BAIAP3: variants seen among roughly 807,000 people sequenced by gnomAD.
BAIAP3 encodes BAI1 associated protein 3.
In BAIAP3, 180 loss-of-function variants were observed where a neutral mutation model predicts 149.7. The observed-to-expected ratio is 1.20, with a 90% CI of 1.07 to 1.36. The LOEUF is 1.36. Ranked by LOEUF, BAIAP3 falls within the 40% of genes most tolerant of loss-of-function variation. BAIAP3 has a pLI of 0.00. For missense variants in BAIAP3, 1,767 were observed against 1,563.4 expected (o/e 1.13, Z -2.20); for synonymous variants, 845 against 670.7 (o/e 1.26, Z -4.02).
At chr16:1,338,137 T>C (rs1484538018) in intron 1 of BAIAP3, among the ~76,000 whole-genome samples, 2 of 152,014 alleles carry the variant, frequency 1.3e-5, no homozygotes, top group Non-Finnish European at 2.9e-5. Context: ...CAGATCTTGG[T>C]CCTCTTGATG....
At chr16:1,342,126 G>C in intron 10 of BAIAP3, 55 bp from the exon 11 acceptor site, 1 of 1,568,390 alleles carries the variant, frequency 6.4e-7, no homozygotes, top group Non-Finnish European at 8.7e-7. Context: ...GGGGCCCGGC[G>C]GGCAGTGGCT....
intron 1 of BAIAP3, chr16:1,336,270 C>T (rs566970178): frequency 2.0e-6 from 2 of 985,432 alleles, no homozygotes; most frequent in East Asian, 1.1e-4. Flanking sequence ...TTGTGACTCC[C>T]AGGCCCCTGA....
chr16:1,341,202 G>T lies in BAIAP3; in HGVS notation c.535+7G>T. On this transcript the variant is annotated splice_region_variant and intron_variant, in intron 7 of 33. Transcript: ENST00000426824. The stretch of plus-strand genomic sequence containing the variant: ...CTGGCCAAGGACCCCAACGGTGAGT[G>T]GGGACCCAGCAGACCTCGGCTGCGC... 6.2e-7 allele frequency: 1 copy of T among 1,612,164 alleles called. No homozygotes were observed. Among genetic ancestry groups the T allele is most frequent in the Non-Finnish European group, 8.5e-7 (1 of 1,179,602 alleles).
At position 1,344,134 on chromosome 16, in the gene BAIAP3, AGCT is replaced by A; in HGVS notation, c.1507_1509del (p.Leu503del). 6.2e-7 allele frequency: 1 copy of A among 1,611,886 alleles called. No individual in the cohort carries two copies. Among genetic ancestry groups the A allele is most frequent in the Non-Finnish European group, 8.5e-7 (1 of 1,179,762 alleles). On this transcript the variant is annotated inframe_deletion, in exon 16 of 34. Transcript: ENST00000426824. ...AACAGCACCGCTGTCCACCGCCTGG[AGCT>A]GCTGCTGAAGTGGGTGCAGCGCCGC...
At chr16:1,338,404 G>T in intron 1 of BAIAP3, 136 bp from the exon 2 acceptor site, 2 of 1,166,192 alleles carry the variant, frequency 1.7e-6, no homozygotes, top group Non-Finnish European at 1.2e-6. Context: ...GGTGCCCAGC[G>T]CCATCCAGGC....
At position 1,347,556 on chromosome 16, in the gene BAIAP3, G is replaced by C. The variant is rs2034464144; in HGVS notation, c.2835G>C (p.Glu945Asp). ...GCTTCCCCCTGCAGAGGCTGAAGGAGGAGCTGCGGCTGCACAAATGTTCCA... is the reference window on the plus strand; with the variant it reads ...GCTTCCCCCTGCAGAGGCTGAAGGACGAGCTGCGGCTGCACAAATGTTCCA... ...LRDGSYKRLKEELRLHKCSTR... is the reference protein window; with the variant it reads ...LRDGSYKRLKDELRLHKCSTR... The change falls in exon 30 of 34, where the codon GAG (glutamate) becomes GAC (aspartate). Residue 945 changes from glutamate (E) to aspartate (D), a missense_variant. By Grantham distance (45) the Glu-to-Asp change is conservative (BLOSUM62 2). Coordinates refer to ENST00000426824, the MANE Select transcript of BAIAP3 (RefSeq NM_001199097.2). The C allele has an allele frequency of 1.2e-6, 2 of 1,609,542 alleles. No homozygotes were observed. The highest frequency in any genetic ancestry group is 1.7e-5 in the Admixed American group (1 of 59,508).
rs2235631 is a variant in BAIAP3 at position 1,342,235 on chromosome 16, C to T, written c.909C>T (p.Thr303=). 2.2e-3 allele frequency: 3,595 copies of T among 1,612,454 alleles called. 31 individuals carry two copies. The highest frequency in any genetic ancestry group is 0.014 in the East Asian group (624 of 44,862). ...SARANGTAGP[T]EDHTDDFLGC... ...GCGCAAACGGGACAGCAGGACCCAC[C>T]GAGGACCACACCGATGACTTCCTGG... The change falls in exon 11 of 34, where the codon ACC becomes ACT. Residue 303 remains threonine, a synonymous_variant. Transcript: ENST00000426824.
intron 14 of BAIAP3, 47 bp downstream of exon 14, chr16:1,343,063 AGCGAGTGGG>A: frequency 6.8e-7 from 1 of 1,478,114 alleles, no homozygotes; most frequent in South Asian, 1.2e-5. Flanking sequence ...GGCGGGCGTG[AGCGAGTGGG>A]GCATCGGGGG....
chr16:1,344,513 T>A lies in BAIAP3; in HGVS notation c.1647T>A (p.Ser549Arg). 6.2e-7 allele frequency: 1 copy of A among 1,612,454 alleles called. No individual in the cohort carries two copies. Among genetic ancestry groups the A allele is most frequent in the Non-Finnish European group, 8.5e-7 (1 of 1,179,836 alleles). The stretch of plus-strand genomic sequence containing the variant: ...ACGACAGGATCCTGAATGACAAGAG[T>A]CCCCGAGAGCAGGTGCAGTTGTGGG... ...EWYDRILNDK[S>R]PREQPGPQRL... Residue 549 changes from serine to arginine, a missense_variant, in exon 18 of 34, where the codon AGT (serine) becomes AGA (arginine). Transcript: ENST00000426824.
intron 14 of BAIAP3, 175 bp downstream of exon 14, chr16:1,343,191 G>C: frequency 2.8e-6 from 3 of 1,062,020 alleles, no homozygotes; most frequent in Non-Finnish European, 4.1e-6. Context: ...GCGGTGCTAC[G>C]GGTAGGTGAG....
intron 14 of BAIAP3, 104 bp downstream of exon 14, chr16:1,343,120 G>C: frequency 8.9e-7 from 1 of 1,122,256 alleles, no homozygotes. Flanking sequence ...GGAGGGTGGG[G>C]CAGGGAAAGG....
chr16:1,342,822 G>T lies in BAIAP3; in HGVS notation c.1161+8G>T, dbSNP rs755967688. On this transcript the variant is annotated splice_region_variant and intron_variant, in intron 13 of 33. Coordinates refer to ENST00000426824, the MANE Select transcript of BAIAP3 (RefSeq NM_001199097.2). The stretch of plus-strand genomic sequence containing the variant: ...GAGCACTCAGCAGAGGAGGTAGTGG[G>T]TGCGCCTAGGATTGGAACAGCCCGG... 1.2e-6 allele frequency: 2 copies of T among 1,612,544 alleles called. No individual in the cohort carries two copies. Among genetic ancestry groups the T allele is most frequent in the African/African-American group, 2.7e-5 (2 of 74,934 alleles).
chr16:1,340,558 CACACAGACACACACAGGCTGCATGTCT>C (rs1473886323), intron 5 of BAIAP3, among the ~76,000 whole-genome samples: 3 of 152,222 alleles, frequency 2.0e-5, no homozygotes, highest in South Asian at 2.1e-4. Flanking sequence ...GCTGCAGGTG[CACACAGACACACACAGGCTGCATGTCT>C]ACACAGACAC....
chr16:1,342,891 C>A, intron 13 of BAIAP3, 22 bp from the exon 14 acceptor site: 1 of 1,612,138 alleles, frequency 6.2e-7, no homozygotes, highest in Non-Finnish European at 8.5e-7. Flanking sequence ...CGCCTCCACC[C>A]ACGACAGACC....
chr16:1,336,537 G>T (rs532524838), intron 1 of BAIAP3: 24 of 302,370 alleles, frequency 7.9e-5, no homozygotes, highest in African/African-American at 5.4e-4. Context: ...GAATCAAGAC[G>T]AGATATCCGG....
chr16:1,347,000 G>C (rs1318123054), intron 28 of BAIAP3, 45 bp downstream of exon 28: 3 of 1,526,992 alleles, frequency 2.0e-6, no homozygotes, highest in Admixed American at 1.9e-5. Flanking sequence ...CCCGCCTCAG[G>C]GCTGCTCTGA....
At position 1,341,317 on chromosome 16, in the gene BAIAP3, C is replaced by A; in HGVS notation, c.559C>A (p.Leu187Met). The change falls in exon 8 of 34, where the codon CTG (leucine) becomes ATG (methionine). Residue 187 changes from leucine (L) to methionine (M), a missense_variant. By Grantham distance (15) the Leu-to-Met change is conservative. Coordinates refer to ENST00000426824, the MANE Select transcript of BAIAP3 (RefSeq NM_001199097.2). ...PNGFSDPYCM[L>M]GILPASDATR... ...AGGCTTCAGCGACCCATACTGCATG[C>A]TGGGCATCCTGCCTGCCTCGGACGC... The A allele has an allele frequency of 1.4e-5, 23 of 1,611,286 alleles. No homozygotes were observed. The highest frequency in any genetic ancestry group is 2.0e-5 in the Non-Finnish European group (23 of 1,179,248).
At chr16:1,339,800 C>T (rs1307424807) in intron 5 of BAIAP3, among the ~76,000 whole-genome samples, 197 bp downstream of exon 5, 14 of 137,806 alleles carry the variant, frequency 1.0e-4, no homozygotes, top group South Asian at 2.4e-4. Context: ...ACACAGGCTG[C>T]AGGTGCACAC....
chr16:1,345,291 C>T lies in BAIAP3; in HGVS notation c.1983C>T (p.Phe661=), dbSNP rs1232642305. 6.2e-7 allele frequency: 1 copy of T among 1,613,058 alleles called. No individual in the cohort carries two copies. The highest frequency in any genetic ancestry group is 8.5e-7 in the Non-Finnish European group (1 of 1,179,944). Residue 661 remains phenylalanine (F), a synonymous_variant, in exon 22 of 34, where the codon TTC becomes TTT. Transcript: ENST00000426824. ...SLALAGIHAP[F]LPAVKLWFQV... ...CCCTGGCTGGCATCCACGCCCCCTT[C>T]CTGCCTGCTGTGAAGCTCTGGTTCC...
Sources: gnomAD v4.1 joint callset for allele counts (sites outside exome capture counted in the v4.1 genomes callset) on GRCh38, gnomAD v4.1.1 for gene constraint, MANE v1.5 for transcripts, NCBI Gene and HGNC (gene_info 2026-07-23, HGNC 2026-07-21) for gene names.